The following USP34 variants were observed in gnomAD, a reference collection of about 807,000 sequenced individuals.
The protein encoded by USP34 is ubiquitin carboxyl-terminal hydrolase 34.
A neutral mutation model predicts 460.3 loss-of-function variants in USP34; 70 were observed. The observed-to-expected ratio is 0.15, with a 90% confidence interval of 0.13 to 0.19. The LOEUF (loss-of-function observed/expected upper bound fraction) is 0.19. USP34 is among the 10% of genes least tolerant of loss of function. The pLI is 1.00. For synonymous variants in USP34, 1,647 were observed against 1,405.3 expected (o/e 1.17, Z -3.85); for missense variants, 3,985 against 4,236.2 (o/e 0.94, Z 1.65).
intron 18 of USP34, among the ~76,000 whole-genome samples, chr2:61,339,133 A>C (rs1337620271): frequency 6.6e-6 from 1 of 152,182 alleles, no homozygotes; most frequent in Non-Finnish European, 1.5e-5. Context: ...TCTAACAAAG[A>C]ATGGTGAAAG....
chr2:61,329,262 G>T (rs1219261182), intron 20 of USP34, among the ~76,000 whole-genome samples: 3 of 152,022 alleles, frequency 2.0e-5, no homozygotes, highest in Non-Finnish European at 4.4e-5. Context: ...CCAACCTCAG[G>T]TGATCTGCCT....
intron 10 of USP34, among the ~76,000 whole-genome samples, chr2:61,360,940 A>T (rs1279075191): frequency 4.6e-5 from 7 of 152,224 alleles, no homozygotes; most frequent in Non-Finnish European, 7.3e-5. Context: ...TGGGATTAAT[A>T]GGCGTGTGCC....
chr2:61,399,667 T>G (rs2103916428), intron 3 of USP34, among the ~76,000 whole-genome samples: 1 of 151,952 alleles, frequency 6.6e-6, no homozygotes, highest in East Asian at 1.9e-4. Flanking sequence ...GGCCAAGAGT[T>G]GGAGATCACC....
chr2:61,429,977 G>C (rs531651052), intron 1 of USP34, among the ~76,000 whole-genome samples: 2 of 152,302 alleles, frequency 1.3e-5, no homozygotes, highest in South Asian at 4.1e-4. Flanking sequence ...ACTTTGGGAG[G>C]CCGAGGCGGG....
chr2:61,222,376 G>A (rs1186006509), intron 65 of USP34, among the ~76,000 whole-genome samples: 1 of 152,024 alleles, frequency 6.6e-6, no homozygotes, highest in Non-Finnish European at 1.5e-5. Flanking sequence ...TTAAAGCCTG[G>A]CATCCAGGTG....
At chr2:61,259,447 G>T (rs1262063336) in intron 44 of USP34, among the ~76,000 whole-genome samples, 1 of 151,562 alleles carries the variant, frequency 6.6e-6, no homozygotes, top group Non-Finnish European at 1.5e-5. Flanking sequence ...GAGTGCAGTA[G>T]TGAGATCTCA....
In USP34 at chr2:61,188,387, G is replaced by A. The variant is rs757660239; in HGVS notation, c.10356C>T (p.Asp3452=). The A allele has an allele frequency of 1.2e-5, 20 of 1,613,944 alleles. No homozygotes were observed. The highest frequency in any genetic ancestry group is 1.6e-5 in the Non-Finnish European group (19 of 1,180,026). The change falls in exon 80 of 80, where the codon GAC becomes GAT. Residue 3452 remains aspartate, a synonymous_variant. Coordinates refer to ENST00000398571, the MANE Select transcript of USP34 (RefSeq NM_014709.4). ...GRYDDCKEFK[D]LHCSKDSTLA... is the part of the protein sequence containing the mutation. Reference sequence around the variant, plus strand: ...GGGTAGAATCCTTGGAACAGTGGAGGTCTTTAAATTCTTTACAATCGTCAT... The same window carrying A: ...GGGTAGAATCCTTGGAACAGTGGAGATCTTTAAATTCTTTACAATCGTCAT...
At chr2:61,455,241 C>T (rs748634142) in intron 1 of USP34, among the ~76,000 whole-genome samples, 1 of 151,950 alleles carries the variant, frequency 6.6e-6, no homozygotes, top group African/African-American at 2.4e-5. Flanking sequence ...TGCAGTGGTA[C>T]GATCTCAGCT....
At chr2:61,275,428 G>A (rs192064524) in intron 41 of USP34, among the ~76,000 whole-genome samples, 45 of 152,190 alleles carry the variant, frequency 3.0e-4, no homozygotes, top group Admixed American at 2.6e-3. Flanking sequence ...AACAGCCTGG[G>A]CAACACAGCA....
chr2:61,252,638 T>TTACA (rs1354849277), intron 48 of USP34, among the ~76,000 whole-genome samples: 1 of 152,172 alleles, frequency 6.6e-6, no homozygotes, highest in Non-Finnish European at 1.5e-5. Context: ...ATGAAAGATG[T>TTACA]TACAGGCAGA....
chr2:61,330,922 A>G (rs1266285053), intron 20 of USP34, among the ~76,000 whole-genome samples: 1 of 152,200 alleles, frequency 6.6e-6, no homozygotes, highest in Non-Finnish European at 1.5e-5. Flanking sequence ...TGAAGTAAAT[A>G]TTTACAAATT....
At chr2:61,459,546 G>A (rs895372485) in intron 1 of USP34, among the ~76,000 whole-genome samples, 2 of 152,058 alleles carry the variant, frequency 1.3e-5, no homozygotes, top group South Asian at 2.1e-4. Flanking sequence ...AGGCCAAGAC[G>A]GGCGGATCAC....
intron 25 of USP34, among the ~76,000 whole-genome samples, chr2:61,313,230 TAAC>T (rs1052761511): frequency 9.2e-5 from 14 of 152,064 alleles, no homozygotes; most frequent in South Asian, 2.1e-4. Context: ...ATCAAGGACA[TAAC>T]AATTTTTTTT....
chr2:61,438,768 G>A (rs1351198452), intron 1 of USP34, among the ~76,000 whole-genome samples: 1 of 152,136 alleles, frequency 6.6e-6, no homozygotes, highest in Non-Finnish European at 1.5e-5. Flanking sequence ...CCTGGACAAG[G>A]ATCTCACTCT....
chr2:61,245,349 C>T, intron 50 of USP34, 61 bp from the exon 51 acceptor site: 1 of 994,246 alleles, frequency 1.0e-6, no homozygotes, highest in Non-Finnish European at 1.4e-6. Context: ...CATATTATGT[C>T]TACTATTTTT....
At chr2:61,402,234 C>G (rs1014569268) in intron 3 of USP34, among the ~76,000 whole-genome samples, 2 of 152,070 alleles carry the variant, frequency 1.3e-5, no homozygotes, top group African/African-American at 2.4e-5. Context: ...GACCAATGAT[C>G]ACACCACCGC....
At chr2:61,305,552 C>A (rs923697582) in intron 27 of USP34, among the ~76,000 whole-genome samples, 5 of 151,898 alleles carry the variant, frequency 3.3e-5, no homozygotes, top group Admixed American at 3.3e-4. Context: ...AACACCTTAA[C>A]CAATAGCATA....
At chr2:61,331,427 C>G in intron 19 of USP34, 56 bp from the exon 20 acceptor site, 1 of 1,438,974 alleles carries the variant, frequency 6.9e-7, no homozygotes. Flanking sequence ...GAGAATAAAT[C>G]TATGCTATGA....
chr2:61,432,721 T>C lies in USP34; in HGVS notation c.44-11888A>G, dbSNP rs192302040. 5.6e-3 allele frequency among the ~76,000 whole-genome samples: 847 copies of C among 151,636 alleles called. 7 individuals are homozygous for C. Among genetic ancestry groups the C allele is most frequent in the Non-Finnish European group, 9.7e-3 (659 of 67,948 alleles). On this transcript the variant is annotated intron_variant, in intron 1 of 79. Coordinates refer to ENST00000398571, the MANE Select transcript of USP34 (RefSeq NM_014709.4). ...AATCCAGTGGGTGGGAGAGAGACAA[T>C]GGATAAGGTAAGGTGAAAAAAAAAA...
Sources: allele counts gnomAD v4.1 joint callset (sites outside exome capture counted in the v4.1 genomes callset), GRCh38; gene constraint gnomAD v4.1.1; transcripts MANE v1.5; gene names NCBI Gene and HGNC (gene_info 2026-07-23, HGNC 2026-07-21).